Variants in LRRC8D observed in about 807,000 individuals in gnomAD.
The protein encoded by LRRC8D is leucine rich repeat containing 8 VRAC subunit D.
Under a neutral mutation model 55.8 loss-of-function variants are expected in LRRC8D, and 20 were observed. That is an observed-to-expected ratio of 0.36 (90% CI 0.25 to 0.52). The LOEUF is 0.52. Among genes scored for constraint, LRRC8D ranks in the 20% least tolerant of loss-of-function variants. The pLI is 0.93. For synonymous variants in LRRC8D, 352 were observed against 377.0 expected (o/e 0.93, Z 0.77); for missense variants, 651 against 1,030.8 (o/e 0.63, Z 5.05).
intron 2 of LRRC8D, among the ~76,000 whole-genome samples, chr1:89,853,848 G>C (rs1661484174): frequency 6.6e-6 from 1 of 152,196 alleles, no homozygotes; most frequent in African/African-American, 2.4e-5. Flanking sequence ...ATCAAATGGA[G>C]AGACAGCGAG....
chr1:89,884,221 T>G (rs981337922), intron 2 of LRRC8D, among the ~76,000 whole-genome samples: 4 of 152,240 alleles, frequency 2.6e-5, no homozygotes, highest in Non-Finnish European at 5.9e-5. Flanking sequence ...CATTTGTTCT[T>G]TATATCTGGT....
intron 2 of LRRC8D, among the ~76,000 whole-genome samples, chr1:89,847,596 G>A (rs974363026): frequency 1.3e-5 from 2 of 152,122 alleles, no homozygotes; most frequent in Non-Finnish European, 2.9e-5. Context: ...GGGACTAGGA[G>A]TGGAGATAAA....
intron 2 of LRRC8D, among the ~76,000 whole-genome samples, chr1:89,915,387 C>T (rs180804650): frequency 1.9e-4 from 29 of 152,242 alleles, no homozygotes; most frequent in African/African-American, 7.0e-4. Context: ...GCAACTGTTT[C>T]TTGGGTATAA....
intron 2 of LRRC8D, among the ~76,000 whole-genome samples, chr1:89,873,251 A>G (rs1369348278): frequency 6.6e-6 from 1 of 152,218 alleles, no homozygotes; most frequent in East Asian, 1.9e-4. Context: ...GCAAAGTTGC[A>G]AAATAACAAA....
intron 2 of LRRC8D, among the ~76,000 whole-genome samples, chr1:89,873,269 G>C (rs975571448): frequency 6.6e-6 from 1 of 152,202 alleles, no homozygotes; most frequent in African/African-American, 2.4e-5. Flanking sequence ...AAAGGCTTCT[G>C]TATTAATTTC....
chr1:89,931,069 G>A (rs896226402), intron 2 of LRRC8D, among the ~76,000 whole-genome samples: 2 of 135,526 alleles, frequency 1.5e-5, no homozygotes, highest in Admixed American at 1.6e-4. Flanking sequence ...AAGCCCTGAA[G>A]TCTGGGAATG....
chr1:89,873,029 A>G (rs2100827839), intron 2 of LRRC8D, among the ~76,000 whole-genome samples: 1 of 152,352 alleles, frequency 6.6e-6, no homozygotes, highest in East Asian at 1.9e-4. Flanking sequence ...CAGAAAATTT[A>G]CTTATTCTGT....
intron 2 of LRRC8D, among the ~76,000 whole-genome samples, chr1:89,858,395 G>A (rs1661615308): frequency 6.6e-6 from 1 of 152,106 alleles, no homozygotes; most frequent in Non-Finnish European, 1.5e-5. Flanking sequence ...CTGGATTTCA[G>A]GGAACTCACC....
chr1:89,822,670 C>T (rs1660668454), intron 1 of LRRC8D, among the ~76,000 whole-genome samples: 1 of 152,158 alleles, frequency 6.6e-6, no homozygotes, highest in Non-Finnish European at 1.5e-5. Context: ...TAAGGGGCCC[C>T]TCCCAGTGCC....
At chr1:89,854,310 A>G (rs1214764775) in intron 2 of LRRC8D, among the ~76,000 whole-genome samples, 1 of 152,090 alleles carries the variant, frequency 6.6e-6, no homozygotes, top group East Asian at 1.9e-4. Flanking sequence ...GTGCTTTAGG[A>G]TGAGTGATAG....
intron 2 of LRRC8D, among the ~76,000 whole-genome samples, chr1:89,865,431 A>G (rs1661819623): frequency 6.6e-6 from 1 of 150,986 alleles, no homozygotes; most frequent in African/African-American, 2.4e-5. Flanking sequence ...ATATATTAAA[A>G]CCTTTGAAAT....
intron 2 of LRRC8D, among the ~76,000 whole-genome samples, chr1:89,899,146 T>C (rs2100904032): frequency 6.6e-6 from 1 of 152,328 alleles, no homozygotes; most frequent in Admixed American, 6.5e-5. Context: ...GGGCCTACCC[T>C]AGGTCCACTA....
intron 1 of LRRC8D, among the ~76,000 whole-genome samples, chr1:89,825,872 T>C (rs1306736287): frequency 6.6e-6 from 1 of 152,224 alleles, no homozygotes; most frequent in Non-Finnish European, 1.5e-5. Flanking sequence ...GGGTGGTAGC[T>C]GTCTCACAGT....
chr1:89,933,054 TC>T lies in LRRC8D; in HGVS notation c.-2-12del. 6.3e-7 allele frequency: 1 copy of T among 1,596,158 alleles called. No homozygotes were observed. On this transcript the variant is annotated splice_polypyrimidine_tract_variant and intron_variant, in intron 2 of 2. Coordinates refer to ENST00000337338, the MANE Select transcript of LRRC8D (RefSeq NM_001134479.2). The surrounding 1 kb of genome is among the most constrained non-coding windows in gnomAD (Gnocchi z 7.0). ...ATCTCTAGAATAATGTCTTTTGTCT[TC>T]TTGTTTTCTAGGAATGTTTACCCTT...
At chr1:89,873,580 T>G (rs559966934) in intron 2 of LRRC8D, among the ~76,000 whole-genome samples, 1 of 152,328 alleles carries the variant, frequency 6.6e-6, no homozygotes, top group Admixed American at 6.5e-5. Context: ...ATGGACACAT[T>G]AGAAGAGGGG....
At chr1:89,872,032 C>T (rs1259399971) in intron 2 of LRRC8D, among the ~76,000 whole-genome samples, 1 of 152,158 alleles carries the variant, frequency 6.6e-6, no homozygotes, top group Non-Finnish European at 1.5e-5. Flanking sequence ...TGATCTCATC[C>T]TCATTACCTG....
At chr1:89,869,902 G>A (rs963534868) in intron 2 of LRRC8D, among the ~76,000 whole-genome samples, 1 of 151,998 alleles carries the variant, frequency 6.6e-6, no homozygotes, top group Non-Finnish European at 1.5e-5. Flanking sequence ...AAGGTCAGGA[G>A]TTTGAGACCA....
chr1:89,896,043 C>T (rs190115136), intron 2 of LRRC8D, among the ~76,000 whole-genome samples: 88 of 152,344 alleles, frequency 5.8e-4, no homozygotes, highest in African/African-American at 2.1e-3. Context: ...TCCACAAATA[C>T]ATTCTCTAAT....
chr1:89,839,431 T>TA (rs1661079383), intron 1 of LRRC8D, among the ~76,000 whole-genome samples: 1 of 152,218 alleles, frequency 6.6e-6, no homozygotes, highest in African/African-American at 2.4e-5. Flanking sequence ...TGGGGTGCTT[T>TA]AAGTAGTGCT....
Sources: allele counts gnomAD v4.1 joint callset (sites outside exome capture counted in the v4.1 genomes callset), GRCh38; gene constraint gnomAD v4.1.1; non-coding constraint Gnocchi (gnomAD v3.1); transcripts MANE v1.5; gene names NCBI Gene and HGNC (gene_info 2026-07-23, HGNC 2026-07-21).